PTPN9: variants seen among roughly 807,000 people sequenced by gnomAD.
PTPN9 encodes the protein protein tyrosine phosphatase non-receptor type 9, also known as tyrosine-protein phosphatase non-receptor type 9.
A neutral mutation model predicts 69.8 loss-of-function variants in PTPN9; 26 were observed. The ratio of observed to expected loss-of-function variants is 0.37; its 90% CI spans 0.27 to 0.52. The LOEUF (loss-of-function observed/expected upper bound fraction) is 0.52. Ranked by LOEUF, PTPN9 falls within the 20% of genes least tolerant of loss-of-function variation. The probability of loss-of-function intolerance (pLI) is 0.91; values close to 1 mark genes in which losing one functional copy is unlikely to be tolerated. For synonymous variants in PTPN9, 274 were observed against 272.5 expected (o/e 1.01, Z -0.05); for missense variants, 549 against 740.3 (o/e 0.74, Z 3.00).
Position 75,525,645 on chromosome 15 carries a change from C to T in PTPN9, c.208-1347G>A, listed in dbSNP as rs551255240. Among the ~76,000 whole-genome samples the T allele has an allele frequency of 6.6e-5, 10 of 151,246 alleles. No individual in the cohort carries two copies. In the South Asian group the frequency reaches 1.3e-3, roughly 19 times the overall value. On this transcript the variant is annotated intron_variant, in intron 2 of 12. Coordinates refer to ENST00000618819, the MANE Select transcript of PTPN9 (RefSeq NM_002833.4). ...TGTTTTAAACCTCTTAGGCTGGGCA[C>T]GGTGGCTCATGCCTGTAATCCCAGT...
chr15:75,525,078 C>T (rs1023112256), intron 2 of PTPN9, among the ~76,000 whole-genome samples: 14 of 152,058 alleles, frequency 9.2e-5, no homozygotes, highest in Non-Finnish European at 2.1e-4. Flanking sequence ...TGGATGCCTA[C>T]GTTCTCACAT....
At chr15:75,519,102 C>T (rs778997111) in intron 4 of PTPN9, among the ~76,000 whole-genome samples, 18 of 152,116 alleles carry the variant, frequency 1.2e-4, no homozygotes, top group Non-Finnish European at 2.4e-4. Flanking sequence ...AATCAGGAGT[C>T]TCAAAGTTAT....
chr15:75,507,841 G>A lies in PTPN9; in HGVS notation c.639+1076C>T, dbSNP rs1463813951. Among the ~76,000 whole-genome samples, 6 of 151,686 alleles carry A rather than the reference G, an allele frequency of 4.0e-5. No homozygotes were observed. The East Asian group carries it at 1.2e-3, about 29-fold the overall frequency. On this transcript the variant is annotated intron_variant, in intron 6 of 12. Coordinates refer to ENST00000618819, the MANE Select transcript of PTPN9 (RefSeq NM_002833.4). ...GGGCGGATCATGAGGTCAGGAGTTC[G>A]AGACCAGCCTGGCCAATATGGTGAA...
At chr15:75,480,027 C>T in intron 8 of PTPN9, 113 bp from the exon 9 acceptor site, 1 of 701,540 alleles carries the variant, frequency 1.4e-6, no homozygotes, top group Non-Finnish European at 2.3e-6. Context: ...TCTTGTTGAG[C>T]AGAAAATGAG....
intron 1 of PTPN9, among the ~76,000 whole-genome samples, chr15:75,530,871 C>T (rs553870177): frequency 0.031 from 2,327 of 76,230 alleles, 34 homozygotes; most frequent in Non-Finnish European, 0.047. Context: ...TTATATATTA[C>T]GATATATTAT....
chr15:75,554,830 C>G (rs2075070399), intron 1 of PTPN9, among the ~76,000 whole-genome samples: 1 of 152,166 alleles, frequency 6.6e-6, no homozygotes, highest in Admixed American at 6.6e-5. Flanking sequence ...AGAACCCAGA[C>G]AGTAAAATCT....
intron 6 of PTPN9, among the ~76,000 whole-genome samples, chr15:75,506,690 C>T (rs781263025): frequency 1.3e-5 from 2 of 151,956 alleles, no homozygotes; most frequent in Non-Finnish European, 2.9e-5. Context: ...TTTGTAGTAA[C>T]CATAAAACTT....
chr15:75,487,785 C>T (rs965268238), intron 8 of PTPN9: 1 of 152,150 alleles, frequency 6.6e-6, no homozygotes, highest in Non-Finnish European at 1.5e-5. Flanking sequence ...GTGCTTGAAA[C>T]AACAGGGACA....
At chr15:75,473,548 C>T in intron 10 of PTPN9, 141 bp downstream of exon 10, 11 of 703,928 alleles carry the variant, frequency 1.6e-5, no homozygotes, top group Non-Finnish European at 2.7e-5. Context: ...CCTTGGCCTC[C>T]CTAAGTGCTG....
chr15:75,488,174 G>A lies in PTPN9; in HGVS notation c.1062+2034C>T, dbSNP rs998098616. On this transcript the variant is annotated intron_variant, in intron 8 of 12. Transcript: ENST00000618819. ...CATGCACCTGTAATCCCAGCTACTC[G>A]GGAGGCTGAGAAAGGATAATTGCTT... 3.3e-5 allele frequency among the ~76,000 whole-genome samples: 5 copies of A among 152,084 alleles called. No individual in the cohort carries two copies. The East Asian group carries it at 5.8e-4, about 18-fold the overall frequency.
At position 75,465,998 on chromosome 15, in the gene PTPN9, T is replaced by C. The variant is rs555553169; in HGVS notation, c.*2771A>G. The C allele has an allele frequency of 6.6e-6, 1 of 152,292 alleles. No individual in the cohort carries two copies. The highest frequency in any genetic ancestry group is 1.5e-5 in the Non-Finnish European group (1 of 68,008). The allele number at this position is 152,292 out of a possible 1,614,324, so 9.4% of individuals were successfully genotyped here. On this transcript the variant is annotated 3_prime_UTR_variant, in exon 13 of 13. Coordinates refer to ENST00000618819, the MANE Select transcript of PTPN9 (RefSeq NM_002833.4). ...ATGGAGGCTCATCTGGAGAAGGAACTAGATTAATCTTCTGCTCTACACTTG... is the reference window on the plus strand; with the variant it reads ...ATGGAGGCTCATCTGGAGAAGGAACCAGATTAATCTTCTGCTCTACACTTG...
rs1482990744 is a variant in PTPN9, at chr15:75,530,704, T to C, written c.64-3443A>G. On this transcript the variant is annotated intron_variant, in intron 1 of 12. Coordinates refer to ENST00000618819, the MANE Select transcript of PTPN9 (RefSeq NM_002833.4). ...TTATTATATTATAATATATATAATA[T>C]ATATTATTATATAATATATATAATA... is the stretch of plus-strand genomic sequence containing the variant. Among the ~76,000 whole-genome samples the C allele has an allele frequency of 4.5e-4, 12 of 26,824 alleles. 1 individual carries two copies. Among genetic ancestry groups the C allele is most frequent in the African/African-American group, 3.1e-3 (11 of 3,510 alleles). The allele number at this position is 26,824 out of a possible 152,430, so 17.6% of individuals were successfully genotyped here.
At chr15:75,510,533 T>C (rs531292977) in intron 5 of PTPN9, among the ~76,000 whole-genome samples, 1 of 152,332 alleles carries the variant, frequency 6.6e-6, no homozygotes, top group Admixed American at 6.5e-5. Flanking sequence ...CCACTGCTCC[T>C]GGCGTGAAGT....
At chr15:75,483,287 C>T (rs756525287) in intron 8 of PTPN9, among the ~76,000 whole-genome samples, 8 of 152,102 alleles carry the variant, frequency 5.3e-5, no homozygotes, top group East Asian at 3.8e-4. Flanking sequence ...CAGCATTATT[C>T]GTAATAGCCA....
intron 8 of PTPN9, among the ~76,000 whole-genome samples, chr15:75,482,864 A>T (rs1352929252): frequency 6.6e-6 from 1 of 151,868 alleles, no homozygotes; most frequent in Non-Finnish European, 1.5e-5. Context: ...CTGAGGCAGG[A>T]GAATGGCATA....
intron 1 of PTPN9, among the ~76,000 whole-genome samples, chr15:75,573,089 G>A (rs143881713): frequency 2.0e-5 from 3 of 152,272 alleles, no homozygotes; most frequent in African/African-American, 7.2e-5. Flanking sequence ...TGGCTTCATG[G>A]GAAGTAATGT....
At chr15:75,503,576 T>A (rs62027169) in intron 7 of PTPN9, among the ~76,000 whole-genome samples, 1 of 44,836 alleles carries the variant, frequency 2.2e-5, no homozygotes, top group Admixed American at 2.1e-4. Flanking sequence ...GGCCAGCCGC[T>A]CCGTCCGGGA....
At chr15:75,552,061 G>A (rs1213008184) in intron 1 of PTPN9, among the ~76,000 whole-genome samples, 2 of 150,602 alleles carry the variant, frequency 1.3e-5, no homozygotes, top group African/African-American at 2.4e-5. Flanking sequence ...AAAGAAAAAA[G>A]AAAAAAGAAA....
chr15:75,476,198 C>G (rs2074595082), intron 9 of PTPN9, among the ~76,000 whole-genome samples: 3 of 152,100 alleles, frequency 2.0e-5, no homozygotes, highest in Admixed American at 2.0e-4. Flanking sequence ...ATAATTTATA[C>G]AGTCTATAAA....
Sources: gnomAD v4.1 joint callset for allele counts (sites outside exome capture counted in the v4.1 genomes callset) on GRCh38, gnomAD v4.1.1 for gene constraint, MANE v1.5 for transcripts, NCBI Gene and HGNC (gene_info 2026-07-23, HGNC 2026-07-21) for gene names.